Variants in RBBP4 observed in about 807,000 individuals in gnomAD.
RBBP4 encodes histone-binding protein RBBP4.
Under a neutral mutation model 57.2 loss-of-function variants are expected in RBBP4, and 3 were observed. That is an observed-to-expected ratio of 0.05 (90% CI 0.02 to 0.14). The LOEUF (loss-of-function observed/expected upper bound fraction) is 0.14. Ranked by LOEUF, RBBP4 falls within the 10% of genes least tolerant of loss-of-function variation. The probability of loss-of-function intolerance (pLI) is 1.00; values close to 1 mark genes in which losing one functional copy is unlikely to be tolerated. For synonymous variants in RBBP4, 151 were observed against 171.5 expected (o/e 0.88, Z 0.93); for missense variants, 107 against 520.6 (o/e 0.21, Z 7.73).
At chr1:32,679,487 T>G in intron 11 of RBBP4, 153 bp from the exon 12 acceptor site, 1 of 577,758 alleles carries the variant, frequency 1.7e-6, no homozygotes, top group African/African-American at 1.9e-5. Context: ...CTCCGGATAC[T>G]TTCATCCAAG....
At chr1:32,665,977 G>A (rs1268916221) in intron 3 of RBBP4, among the ~76,000 whole-genome samples, 4 of 152,068 alleles carry the variant, frequency 2.6e-5, no homozygotes, top group Non-Finnish European at 4.4e-5. Flanking sequence ...ACATTATATT[G>A]TTATATATAC....
At position 32,672,635 on chromosome 1, in the gene RBBP4, G is replaced by C; in HGVS notation, c.1044-7G>C. 1 of 1,613,586 alleles carries C rather than the reference G, an allele frequency of 6.2e-7. No individual in the cohort carries two copies. The highest frequency in any genetic ancestry group is 1.1e-5 in the South Asian group (1 of 91,068). ...TTTTAACTTTTAAAATTATGCTTTTGTACTAGTAAAATTGGAGAGGAACAA... is the reference window on the plus strand; with the variant it reads ...TTTTAACTTTTAAAATTATGCTTTTCTACTAGTAAAATTGGAGAGGAACAA... On this transcript the variant is annotated splice_region_variant and splice_polypyrimidine_tract_variant and intron_variant, in intron 9 of 11. Coordinates refer to ENST00000373493, the MANE Select transcript of RBBP4 (RefSeq NM_005610.3).
At chr1:32,677,751 A>G (rs1406385791) in intron 11 of RBBP4, among the ~76,000 whole-genome samples, 1 of 152,244 alleles carries the variant, frequency 6.6e-6, no homozygotes, top group East Asian at 1.9e-4. Context: ...GGTACCCCAC[A>G]TTTGGTGTTA....
rs760079304 is a variant in RBBP4, at chr1:32,681,829, T to G, written c.*2124T>G. Reference sequence around the variant, plus strand: ...AAGAAGTTTTTTGCTGTTTCCGGGTTACAGATTTGGCCATATATTTCTAAA... The same window carrying G: ...AAGAAGTTTTTTGCTGTTTCCGGGTGACAGATTTGGCCATATATTTCTAAA... On this transcript the variant is annotated 3_prime_UTR_variant, in exon 12 of 12. Coordinates refer to ENST00000373493, the MANE Select transcript of RBBP4 (RefSeq NM_005610.3). The G allele has an allele frequency of 6.2e-7, 1 of 1,614,192 alleles. No individual in the cohort carries two copies. Among genetic ancestry groups the G allele is most frequent in the South Asian group, 1.1e-5 (1 of 91,086 alleles).
chr1:32,654,228 T>C (rs1283246178), intron 2 of RBBP4, among the ~76,000 whole-genome samples: 1 of 151,944 alleles, frequency 6.6e-6, no homozygotes, highest in African/African-American at 2.4e-5. Flanking sequence ...ACAAATATTA[T>C]CCGGGCATGG....
intron 8 of RBBP4, among the ~76,000 whole-genome samples, chr1:32,671,782 A>G (rs1271186072): frequency 6.6e-6 from 1 of 151,524 alleles, no homozygotes; most frequent in Non-Finnish European, 1.5e-5. Flanking sequence ...AATCCCAGCT[A>G]CCTGGGAGGC....
intron 3 of RBBP4, among the ~76,000 whole-genome samples, chr1:32,658,054 A>C (rs1648221565): frequency 6.6e-6 from 1 of 151,908 alleles, no homozygotes; most frequent in African/African-American, 2.4e-5. Context: ...GGTTTCACCA[A>C]GTTGGCCAGG....
At chr1:32,664,512 G>A (rs1027547968) in intron 3 of RBBP4, among the ~76,000 whole-genome samples, 3 of 152,094 alleles carry the variant, frequency 2.0e-5, no homozygotes, top group East Asian at 1.9e-4. Flanking sequence ...GAGTGTAGTC[G>A]TGCAATCTTG....
chr1:32,661,119 A>C (rs762326955), intron 3 of RBBP4, among the ~76,000 whole-genome samples: 5 of 152,124 alleles, frequency 3.3e-5, no homozygotes, highest in Non-Finnish European at 5.9e-5. Flanking sequence ...CAGCCAAAAA[A>C]ATTTTTTTAT....
At chr1:32,679,259 T>C (rs1185212156) in intron 11 of RBBP4, among the ~76,000 whole-genome samples, 1 of 152,162 alleles carries the variant, frequency 6.6e-6, no homozygotes, top group Non-Finnish European at 1.5e-5. Flanking sequence ...ATGGTGCCAC[T>C]GCACTCCAGC....
intron 11 of RBBP4, among the ~76,000 whole-genome samples, chr1:32,674,229 A>G (rs938608280): frequency 1.3e-5 from 2 of 152,058 alleles, no homozygotes; most frequent in African/African-American, 4.8e-5. Flanking sequence ...TGTTGTATGG[A>G]GTTTGCGACA....
intron 3 of RBBP4, among the ~76,000 whole-genome samples, chr1:32,659,538 C>A (rs1405130675): frequency 3.6e-4 from 52 of 146,344 alleles, no homozygotes; most frequent in African/African-American, 5.0e-4. Flanking sequence ...CCAGCCTGGG[C>A]AAAAAAAAAA....
chr1:32,670,240 G>T (rs968447180), intron 8 of RBBP4, among the ~76,000 whole-genome samples: 1 of 152,128 alleles, frequency 6.6e-6, no homozygotes, highest in Non-Finnish European at 1.5e-5. Flanking sequence ...TTTCAGCCTT[G>T]TTTCTGACAC....
At chr1:32,674,313 AG>A (rs11340907) in intron 11 of RBBP4, among the ~76,000 whole-genome samples, 128,858 of 151,954 alleles carry the variant, frequency 0.85, 56,451 homozygotes, top group Non-Finnish European at 0.96. Context: ...AGCTCACTGC[AG>A]CCTCCAATTC....
At position 32,651,911 on chromosome 1, in the gene RBBP4, T is replaced by C. The variant is rs1283373685; in HGVS notation, c.17-3T>C. 5 of 1,613,268 alleles carry C rather than the reference T, an allele frequency of 3.1e-6. No homozygotes were observed. The highest frequency in any genetic ancestry group is 3.4e-6 in the Non-Finnish European group (4 of 1,179,736). The stretch of plus-strand genomic sequence containing the variant: ...AACTTAAATTTGTTTTTAAAAATTT[T>C]AGCAGCCTTCGACGACGCAGTGGAA... On this transcript the variant is annotated splice_polypyrimidine_tract_variant and splice_region_variant and intron_variant, in intron 1 of 11. Coordinates refer to ENST00000373493, the MANE Select transcript of RBBP4 (RefSeq NM_005610.3).
intron 8 of RBBP4, among the ~76,000 whole-genome samples, chr1:32,671,713 G>A (rs1648883960): frequency 6.7e-6 from 1 of 149,234 alleles, no homozygotes; most frequent in African/African-American, 2.5e-5. Context: ...TTTGATACCA[G>A]CCTAACCCCA....
At chr1:32,675,777 T>A (rs1456166362) in intron 11 of RBBP4, among the ~76,000 whole-genome samples, 2 of 150,920 alleles carry the variant, frequency 1.3e-5, no homozygotes, top group African/African-American at 4.9e-5. Context: ...TCAAAAAAAA[T>A]AATAAAAATA....
chr1:32,672,786 T>A lies in RBBP4; in HGVS notation c.1102-5T>A. 3.1e-6 allele frequency: 5 copies of A among 1,610,822 alleles called. No homozygotes were observed. The highest frequency in any genetic ancestry group is 4.2e-6 in the Non-Finnish European group (5 of 1,176,988). On this transcript the variant is annotated splice_region_variant and splice_polypyrimidine_tract_variant and intron_variant, in intron 10 of 11. Transcript: ENST00000373493. Reference sequence around the variant, plus strand: ...TTCACCTCTTTGTTTTCTTCCCTCTTTCAGTTTATTCATGGTGGTCATACT... The same window carrying A: ...TTCACCTCTTTGTTTTCTTCCCTCTATCAGTTTATTCATGGTGGTCATACT...
In RBBP4 at chr1:32,674,816, C is replaced by G. The variant is rs576014116; in HGVS notation, c.1212+1915C>G. On this transcript the variant is annotated intron_variant, in intron 11 of 11. Transcript: ENST00000373493. ...AATCTCAGCTCACTGCAACCTCTGC[C>G]TCCCAGGTTCAAGCAATTCTCCTGC... 7.8e-4 allele frequency among the ~76,000 whole-genome samples: 118 copies of G among 151,860 alleles called. 1 individual carries two copies. The South Asian group carries it at 8.8e-3, about 11-fold the overall frequency.
Sources: gnomAD v4.1 joint callset for allele counts (sites outside exome capture counted in the v4.1 genomes callset) on GRCh38, gnomAD v4.1.1 for gene constraint, MANE v1.5 for transcripts, NCBI Gene and HGNC (gene_info 2026-07-23, HGNC 2026-07-21) for gene names.